Variants in GRIP1 observed in about 807,000 individuals in gnomAD.
The protein encoded by GRIP1 is glutamate receptor-interacting protein 1.
GRIP1 carries 45 observed loss-of-function variants against 129.9 expected under a neutral mutation model. The observed-to-expected ratio is 0.35, with a 90% CI of 0.27 to 0.44. The LOEUF (loss-of-function observed/expected upper bound fraction) is 0.44. Among genes scored for constraint, GRIP1 ranks in the 20% least tolerant of loss-of-function variants. The pLI is 1.00. For missense variants in GRIP1, 1,196 were observed against 1,396.8 expected, an observed-to-expected ratio of 0.86 and a Z score of 2.29; for synonymous variants, 530 against 520.8, an observed-to-expected ratio of 1.02 and a Z score of -0.24.
intron 2 of GRIP1, among the ~76,000 whole-genome samples, chr12:66,555,056 A>G (rs781779468): frequency 1.8e-4 from 27 of 152,122 alleles, no homozygotes; most frequent in Non-Finnish European, 3.4e-4. Flanking sequence ...GAGAAAACAT[A>G]GGTGGTAGCC....
intron 2 of GRIP1, among the ~76,000 whole-genome samples, chr12:66,554,308 G>GC (rs2062242992): frequency 6.6e-6 from 1 of 152,186 alleles, no homozygotes; most frequent in African/African-American, 2.4e-5. Context: ...AAAACTCACT[G>GC]CCTTGAAGGG....
chr12:66,523,242 T>C (rs1202061774), intron 5 of GRIP1, among the ~76,000 whole-genome samples: 1 of 150,644 alleles, frequency 6.6e-6, no homozygotes, highest in Non-Finnish European at 1.5e-5. Flanking sequence ...TTCACCAAAG[T>C]TGAAATGAAG....
intron 12 of GRIP1, among the ~76,000 whole-genome samples, chr12:66,444,966 C>T (rs567639336): frequency 6.6e-6 from 1 of 152,288 alleles, no homozygotes; most frequent in South Asian, 2.1e-4. Flanking sequence ...AATTCATAAC[C>T]ATGGTATTGT....
chr12:66,711,988 A>G (rs1358981080), intron 1 of GRIP1, among the ~76,000 whole-genome samples: 1 of 152,000 alleles, frequency 6.6e-6, no homozygotes, highest in Admixed American at 6.6e-5. Flanking sequence ...TGTGAAAAAT[A>G]AACTGAATTT....
At chr12:66,580,741 C>G (rs2139606860) in intron 2 of GRIP1, among the ~76,000 whole-genome samples, 2 of 147,134 alleles carry the variant, frequency 1.4e-5, no homozygotes, top group African/African-American at 2.5e-5. Context: ...AATACAGGAG[C>G]ACCCAGATTC....
At chr12:66,473,119 G>C (rs1297222196) in intron 7 of GRIP1, among the ~76,000 whole-genome samples, 1 of 152,168 alleles carries the variant, frequency 6.6e-6, no homozygotes, top group Non-Finnish European at 1.5e-5. Context: ...GAGTCGACTT[G>C]GGATGCTGAA....
At chr12:66,441,921 C>T (rs573056092) in intron 13 of GRIP1, among the ~76,000 whole-genome samples, 5 of 152,300 alleles carry the variant, frequency 3.3e-5, no homozygotes, top group African/African-American at 1.2e-4. Flanking sequence ...CCATATCCAA[C>T]CCATAAACAA....
chr12:66,709,472 G>T (rs1404802251), intron 1 of GRIP1, among the ~76,000 whole-genome samples: 1 of 151,910 alleles, frequency 6.6e-6, no homozygotes, highest in Non-Finnish European at 1.5e-5. Flanking sequence ...GATCTGAGCT[G>T]GCAAGAGGTT....
intron 1 of GRIP1, among the ~76,000 whole-genome samples, chr12:66,821,697 C>G (rs2039321726): frequency 6.6e-6 from 1 of 152,126 alleles, no homozygotes; most frequent in South Asian, 2.1e-4. Context: ...GTTTTGGAAA[C>G]AAACCATTGA....
intron 2 of GRIP1, among the ~76,000 whole-genome samples, chr12:66,569,429 A>G (rs2139484136): frequency 6.6e-6 from 1 of 152,206 alleles, no homozygotes; most frequent in East Asian, 1.9e-4. Flanking sequence ...GTGAGCCAAG[A>G]TTGCCCCACT....
At chr12:66,982,770 A>G (rs959522982) in intron 1 of GRIP1, among the ~76,000 whole-genome samples, 12 of 152,292 alleles carry the variant, frequency 7.9e-5, no homozygotes, top group African/African-American at 2.6e-4. Flanking sequence ...ACCTTGAGAC[A>G]CAGGCACCCA....
rs906869353 is a variant in GRIP1, at chr12:66,376,904, G to A, written c.2778+113C>T. On this transcript the variant is annotated intron_variant, in intron 22 of 24. Coordinates refer to ENST00000359742, the MANE Select transcript of GRIP1 (RefSeq NM_001366722.1). ...CACAAGTCAGTAAGCTTGAGGGGTG[G>A]AGATGGGGATATACTTTTGACTGCA... is the stretch of plus-strand genomic sequence containing the variant. 5.0e-6 allele frequency: 4 copies of A among 806,524 alleles called. No homozygotes were observed. In the African/African-American group the frequency reaches 6.7e-5, roughly 14 times the overall value. The allele number at this position is 806,524 out of a possible 1,614,324, so 50.0% of individuals were successfully genotyped here. A position where few individuals can be genotyped will look rare whatever the true frequency, so the allele number is the denominator to read the frequency against.
intron 2 of GRIP1, among the ~76,000 whole-genome samples, chr12:66,558,418 C>T (rs1012193069): frequency 1.3e-5 from 2 of 152,102 alleles, no homozygotes; most frequent in African/African-American, 4.8e-5. Flanking sequence ...AAAACACCCC[C>T]GTGATTCAAT....
intron 7 of GRIP1, among the ~76,000 whole-genome samples, chr12:66,492,685 G>A (rs2060134033): frequency 6.6e-6 from 1 of 152,180 alleles, no homozygotes; most frequent in African/African-American, 2.4e-5. Context: ...AGAAGGGACA[G>A]CAAATAAGTT....
At chr12:66,837,770 G>A (rs182819543) in intron 1 of GRIP1, among the ~76,000 whole-genome samples, 1 of 152,112 alleles carries the variant, frequency 6.6e-6, no homozygotes, top group African/African-American at 2.4e-5. Flanking sequence ...ATGAGGATGC[G>A]AGCAAACACT....
At chr12:67,009,108 C>A (rs991695247) in intron 1 of GRIP1, among the ~76,000 whole-genome samples, 32 of 152,260 alleles carry the variant, frequency 2.1e-4, no homozygotes, top group Admixed American at 2.1e-3. Flanking sequence ...AGTGCAGGAT[C>A]AAGACCAGCT....
At chr12:67,002,914 C>T (rs1214990383) in intron 1 of GRIP1, among the ~76,000 whole-genome samples, 2 of 152,200 alleles carry the variant, frequency 1.3e-5, no homozygotes, top group Non-Finnish European at 2.9e-5. Flanking sequence ...GAGTCAACCA[C>T]CACTCATGCC....
At chr12:66,828,628 C>T (rs935309567) in intron 1 of GRIP1, among the ~76,000 whole-genome samples, 5 of 152,090 alleles carry the variant, frequency 3.3e-5, no homozygotes, top group Non-Finnish European at 7.4e-5. Context: ...ATTTTTCAGT[C>T]TTTCTTATAA....
chr12:66,461,379 C>T (rs2059131627), intron 9 of GRIP1, among the ~76,000 whole-genome samples: 1 of 152,186 alleles, frequency 6.6e-6, no homozygotes, highest in African/African-American at 2.4e-5. Context: ...TGCTCCAAAT[C>T]CAATGATGAC....
Sources: allele counts gnomAD v4.1 joint callset (sites outside exome capture counted in the v4.1 genomes callset), GRCh38; gene constraint gnomAD v4.1.1; transcripts MANE v1.5; gene names NCBI Gene and HGNC (gene_info 2026-07-23, HGNC 2026-07-21).